PACSIN2: variants seen among roughly 807,000 people sequenced by gnomAD.
The protein encoded by PACSIN2 is protein kinase C and casein kinase substrate in neurons protein 2.
PACSIN2 carries 25 observed loss-of-function variants against 63.8 expected under a neutral mutation model. That is an observed-to-expected ratio of 0.39 (90% CI 0.29 to 0.55). The LOEUF (loss-of-function observed/expected upper bound fraction) is 0.55. Among genes scored for constraint, PACSIN2 ranks in the 20% least tolerant of loss-of-function variants. PACSIN2 has a pLI of 0.62. For missense variants in PACSIN2, 518 were observed against 646.9 expected (o/e 0.80, Z 2.16); for synonymous variants, 255 against 256.2 (o/e 1.00, Z 0.05).
intron 1 of PACSIN2, among the ~76,000 whole-genome samples, chr22:43,009,092 A>G (rs1924285021): frequency 6.6e-6 from 1 of 152,238 alleles, no homozygotes; most frequent in African/African-American, 2.4e-5. Context: ...TACGAGTGAC[A>G]CATTCTGGGA....
intron 1 of PACSIN2, among the ~76,000 whole-genome samples, chr22:42,923,748 T>A (rs1267015801): frequency 6.6e-6 from 1 of 152,116 alleles, no homozygotes; most frequent in Non-Finnish European, 1.5e-5. Flanking sequence ...CTCTAAAAAT[T>A]TATCCTGACT....
intron 1 of PACSIN2, among the ~76,000 whole-genome samples, chr22:42,993,299 T>A (rs1923175088): frequency 6.6e-6 from 1 of 152,154 alleles, no homozygotes; most frequent in South Asian, 2.1e-4. Context: ...CTGGAAGAAG[T>A]GGGGGCAGAG....
intron 1 of PACSIN2, among the ~76,000 whole-genome samples, chr22:43,009,956 G>A (rs1317751663): frequency 6.9e-6 from 1 of 145,266 alleles, no homozygotes. Flanking sequence ...TGCAGCCTCT[G>A]CCTCCCGGGT....
chr22:42,922,105 G>C (rs2146749753), intron 1 of PACSIN2, among the ~76,000 whole-genome samples: 1 of 152,302 alleles, frequency 6.6e-6, no homozygotes, highest in Non-Finnish European at 1.5e-5. Flanking sequence ...AACAGTTCCA[G>C]ATCTCAGATT....
chr22:42,994,773 G>A (rs1229063609), intron 1 of PACSIN2, among the ~76,000 whole-genome samples: 1 of 152,198 alleles, frequency 6.6e-6, no homozygotes, highest in African/African-American at 2.4e-5. Context: ...CCCCACCTAC[G>A]GGAATGCTGA....
chr22:42,900,853 C>T (rs911150919), intron 2 of PACSIN2, among the ~76,000 whole-genome samples: 1 of 152,180 alleles, frequency 6.6e-6, no homozygotes, highest in Non-Finnish European at 1.5e-5. Context: ...GAAAGAGAGG[C>T]CACCTGCCCA....
At chr22:42,872,369 T>C (rs2146617279) in intron 10 of PACSIN2, among the ~76,000 whole-genome samples, 1 of 152,366 alleles carries the variant, frequency 6.6e-6, no homozygotes, top group South Asian at 2.1e-4. Context: ...TTGGGCCTGC[T>C]GGCTCGGACC....
intron 1 of PACSIN2, among the ~76,000 whole-genome samples, chr22:42,982,010 C>T (rs1922198364): frequency 8.7e-6 from 1 of 114,504 alleles, no homozygotes; most frequent in South Asian, 3.2e-4. Flanking sequence ...GGGGGGTCAG[C>T]CCCCCTTCCG....
At chr22:43,007,356 C>T (rs1924160464) in intron 1 of PACSIN2, among the ~76,000 whole-genome samples, 1 of 152,058 alleles carries the variant, frequency 6.6e-6, no homozygotes, top group Admixed American at 6.6e-5. Flanking sequence ...CCTGGGTTCA[C>T]AGTCACAAAC....
At chr22:42,924,033 C>T (rs982977986) in intron 1 of PACSIN2, among the ~76,000 whole-genome samples, 3 of 150,610 alleles carry the variant, frequency 2.0e-5, no homozygotes, top group Non-Finnish European at 4.4e-5. Flanking sequence ...CAAAGCGAGA[C>T]CTGGTCTCTT....
At chr22:43,001,685 G>T (rs1449663449) in intron 1 of PACSIN2, among the ~76,000 whole-genome samples, 1 of 152,188 alleles carries the variant, frequency 6.6e-6, no homozygotes, top group African/African-American at 2.4e-5. Flanking sequence ...TCATTTTGTT[G>T]TGAACATCAG....
Position 42,876,137 on chromosome 22 carries a change from C to A in PACSIN2, c.1348G>T (p.Gly450Trp). The change falls in exon 10 of 11, where the codon GGG (glycine) becomes TGG (tryptophan). Residue 450 changes from glycine to tryptophan, a missense_variant and splice_region_variant. Gly to Trp is a radical substitution (Grantham distance 184). Coordinates refer to ENST00000263246, the MANE Select transcript of PACSIN2 (RefSeq NM_001184970.3). ...QEHDELSFKA[G>W]DELTKMEDED... is the part of the protein sequence containing the mutation. ...CTGGATGCTGGGGGAGCCCACCTAC[C>A]AGCCTTGAAGCTCAGCTCATCATGC... 1 of 1,604,338 alleles carries A rather than the reference C, an allele frequency of 6.2e-7. No individual in the cohort carries two copies. The highest frequency in any genetic ancestry group is 1.1e-5 in the South Asian group (1 of 90,944).
chr22:42,902,985 C>T (rs1930803730), intron 2 of PACSIN2, among the ~76,000 whole-genome samples: 1 of 152,212 alleles, frequency 6.6e-6, no homozygotes, highest in South Asian at 2.1e-4. Flanking sequence ...CAACTCTTAG[C>T]ACGTCATCAG....
At chr22:42,884,689 A>T in intron 5 of PACSIN2, 128 bp from the exon 6 acceptor site, 1 of 678,244 alleles carries the variant, frequency 1.5e-6, no homozygotes, top group Non-Finnish European at 2.5e-6. Context: ...CTGGATTCTG[A>T]CAGACTTCAA....
At chr22:42,955,004 C>T (rs961106837) in intron 1 of PACSIN2, among the ~76,000 whole-genome samples, 1 of 152,180 alleles carries the variant, frequency 6.6e-6, no homozygotes, top group Non-Finnish European at 1.5e-5. Flanking sequence ...GCATATATTG[C>T]TCCCGCTGCT....
chr22:42,925,236 T>C (rs1489357012), intron 1 of PACSIN2, among the ~76,000 whole-genome samples: 3 of 151,932 alleles, frequency 2.0e-5, no homozygotes, highest in Non-Finnish European at 4.4e-5. Context: ...TCCCAGCACT[T>C]TGGGCGGCCG....
chr22:42,881,948 C>A (rs1009311439), intron 7 of PACSIN2, among the ~76,000 whole-genome samples: 4 of 152,206 alleles, frequency 2.6e-5, no homozygotes, highest in Non-Finnish European at 4.4e-5. Context: ...ACATTCCCAA[C>A]TAGAGAGGAC....
At chr22:42,960,744 T>C (rs558903877) in intron 1 of PACSIN2, among the ~76,000 whole-genome samples, 5 of 152,266 alleles carry the variant, frequency 3.3e-5, no homozygotes, top group South Asian at 2.1e-4. Context: ...CAGGAGGGTT[T>C]TGGAGCTGTG....
intron 2 of PACSIN2, among the ~76,000 whole-genome samples, chr22:42,897,951 C>A (rs1278347157): frequency 3.3e-5 from 5 of 151,700 alleles, no homozygotes; most frequent in Non-Finnish European, 5.9e-5. Context: ...GAGCAAATGG[C>A]AATGAGGGAG....
Sources: allele counts gnomAD v4.1 joint callset (sites outside exome capture counted in the v4.1 genomes callset), GRCh38; gene constraint gnomAD v4.1.1; transcripts MANE v1.5; gene names NCBI Gene and HGNC (gene_info 2026-07-23, HGNC 2026-07-21).